The following ACTR3C variants were observed in gnomAD, a reference collection of about 807,000 sequenced individuals.
ACTR3C encodes actin-related protein 3C.
A neutral mutation model predicts 26.3 loss-of-function variants in ACTR3C; 18 were observed. That is an observed-to-expected ratio of 0.68 (90% CI 0.47 to 1.01). The LOEUF is 1.01. ACTR3C is among the 50% of genes least tolerant of loss of function. ACTR3C has a pLI of 0.00. For synonymous variants in ACTR3C, 55 were observed against 94.5 expected, an observed-to-expected ratio of 0.58 and a Z score of 2.42; for missense variants, 184 against 250.7, an observed-to-expected ratio of 0.73 and a Z score of 1.80.
chr7:150,292,882 T>C (rs1432075996), intron 3 of ACTR3C, among the ~76,000 whole-genome samples: 1 of 152,204 alleles, frequency 6.6e-6, no homozygotes, highest in Non-Finnish European at 1.5e-5. Flanking sequence ...ACAGATGTGC[T>C]CCTTCAAATG....
chr7:150,019,599 A>AAATAATAATAATAATAAT, the ACTR3C span, among the ~76,000 whole-genome samples: 9 of 109,816 alleles, frequency 8.2e-5, no homozygotes, highest in African/African-American at 2.7e-4. Flanking sequence ...TCAAAAATAA[A>AAATAATAATAATAATAAT]AATAATAATA....
chr7:150,050,507 T>C, the ACTR3C span, among the ~76,000 whole-genome samples: 2 of 152,078 alleles, frequency 1.3e-5, no homozygotes, highest in Non-Finnish European at 1.5e-5. Flanking sequence ...AATTATAAAA[T>C]GAAATCACCA....
At chr7:150,026,106 C>T in the ACTR3C span, among the ~76,000 whole-genome samples, 5 of 152,142 alleles carry the variant, frequency 3.3e-5, no homozygotes, top group South Asian at 8.3e-4. Flanking sequence ...AGGCAAATGA[C>T]GTAGCTTCCC....
chr7:149,918,595 C>T, the ACTR3C span, among the ~76,000 whole-genome samples: 1 of 152,154 alleles, frequency 6.6e-6, no homozygotes, highest in African/African-American at 2.4e-5. Flanking sequence ...GAGGCTGAGA[C>T]AGGAGAATTG....
At position 150,293,384 on chromosome 7, in the gene ACTR3C, T is replaced by C. The variant is rs1563189369; in HGVS notation, c.81A>G (p.Arg27=). ...VLALAASWTS[R]QVGERTLTGI... ...CCGTTAATGTACGTTCACCCACTTG[T>C]CGAGATGTCCAAGATGCCGCCAAGG... Residue 27 remains arginine (R), a synonymous_variant, in exon 3 of 8, where the codon CGA becomes CGG. Transcript: ENST00000683684. 6.2e-7 allele frequency: 1 copy of C among 1,606,230 alleles called. No homozygotes were observed. Among genetic ancestry groups the C allele is most frequent in the East Asian group, 2.2e-5 (1 of 44,818 alleles).
the ACTR3C span, among the ~76,000 whole-genome samples, chr7:150,136,123 G>A: frequency 3.3e-5 from 5 of 152,192 alleles, no homozygotes; most frequent in Admixed American, 3.3e-4. Context: ...CCCAGGTAGT[G>A]GGTGCAGATT....
the ACTR3C span, among the ~76,000 whole-genome samples, chr7:150,071,948 A>G: frequency 1.4e-5 from 2 of 145,878 alleles, 1 homozygote; most frequent in Admixed American, 1.4e-4. Context: ...GCCTACCAGA[A>G]GCAGTATCTG....
the ACTR3C span, among the ~76,000 whole-genome samples, chr7:150,094,854 G>A: frequency 6.6e-6 from 1 of 150,592 alleles, no homozygotes; most frequent in Non-Finnish European, 1.5e-5. Context: ...GCTCATGCTT[G>A]CAGCTCGTCC....
At chr7:149,979,430 C>T in the ACTR3C span, among the ~76,000 whole-genome samples, 51 of 152,248 alleles carry the variant, frequency 3.3e-4, no homozygotes, top group South Asian at 8.3e-4. Flanking sequence ...AAAAGACAGA[C>T]AAAGACACCA....
intron 7 of ACTR3C, 81 bp from the exon 8 acceptor site, chr7:150,247,650 T>C (rs1336908386): frequency 7.2e-6 from 1 of 138,998 alleles, no homozygotes; most frequent in Admixed American, 7.4e-5. Flanking sequence ...GTTAATGTAG[T>C]TTTGATATGC....
At chr7:149,907,744 G>T in the ACTR3C span, among the ~76,000 whole-genome samples, 1 of 151,486 alleles carries the variant, frequency 6.6e-6, no homozygotes, top group African/African-American at 2.4e-5. Context: ...AGCTTTAAAT[G>T]GCAACACATT....
the ACTR3C span, among the ~76,000 whole-genome samples, chr7:149,992,819 G>A: frequency 2.6e-5 from 4 of 152,168 alleles, no homozygotes; most frequent in Admixed American, 2.0e-4. Context: ...TCCCACCATA[G>A]GCCATCTGCA....
chr7:149,914,940 C>T, the ACTR3C span, among the ~76,000 whole-genome samples: 3 of 149,688 alleles, frequency 2.0e-5, no homozygotes, highest in Admixed American at 2.0e-4. Flanking sequence ...AGTGCAGTGG[C>T]ACAATCTCGG....
At chr7:150,294,687 A>G (rs1836586757) in intron 2 of ACTR3C, among the ~76,000 whole-genome samples, 1 of 152,180 alleles carries the variant, frequency 6.6e-6, no homozygotes, top group Admixed American at 6.5e-5. Flanking sequence ...AGAAGTGACT[A>G]GTATTATGCA....
chr7:149,942,276 A>G, the ACTR3C span, among the ~76,000 whole-genome samples: 1 of 152,356 alleles, frequency 6.6e-6, no homozygotes, highest in East Asian at 1.9e-4. Context: ...ACTTCAGTCA[A>G]TCTAGCTCTA....
chr7:150,159,810 G>GT, the ACTR3C span, among the ~76,000 whole-genome samples: 5,442 of 151,884 alleles, frequency 0.036, 339 homozygotes, highest in African/African-American at 0.12. Flanking sequence ...TTGTTTTTTT[G>GT]TTTTTTGAGA....
chr7:150,095,665 A>C, the ACTR3C span, among the ~76,000 whole-genome samples: 1 of 149,892 alleles, frequency 6.7e-6, no homozygotes, highest in East Asian at 1.9e-4. Context: ...TCATTTTCAA[A>C]ACCAGGAATG....
chr7:150,074,297 C>T, the ACTR3C span: 1 of 151,956 alleles, frequency 6.6e-6, no homozygotes. Context: ...ATGTACTGTT[C>T]TGATATATTA....
At chr7:150,162,062 A>T in the ACTR3C span, among the ~76,000 whole-genome samples, 1 of 152,254 alleles carries the variant, frequency 6.6e-6, no homozygotes, top group Non-Finnish European at 1.5e-5. Flanking sequence ...TTAAAATTTG[A>T]AACATTAATT....
Sources: gnomAD v4.1 joint callset for allele counts (sites outside exome capture counted in the v4.1 genomes callset) on GRCh38, gnomAD v4.1.1 for gene constraint, MANE v1.5 for transcripts, NCBI Gene and HGNC (gene_info 2026-07-23, HGNC 2026-07-21) for gene names.